SATB1: variants seen among roughly 807,000 people sequenced by gnomAD.
The protein encoded by SATB1 is SATB homeobox 1, also known as DNA-binding protein SATB1.
In SATB1, 11 loss-of-function variants were observed where a neutral mutation model predicts 86.9. That is an observed-to-expected ratio of 0.13 (90% CI 0.08 to 0.21). SATB1 has a LOEUF of 0.21. SATB1 is among the 10% of genes least tolerant of loss of function. SATB1 has a pLI of 1.00. For missense variants in SATB1, 551 were observed against 937.6 expected (o/e 0.59, Z 5.39); for synonymous variants, 357 against 357.2 (o/e 1.00, Z 0.01).
chr3:18,423,157 G>C (rs1009793522), intron 1 of SATB1, among the ~76,000 whole-genome samples: 1 of 152,148 alleles, frequency 6.6e-6, no homozygotes. Context: ...ACTAACTATG[G>C]TCTCAACAGA....
At chr3:18,428,221 G>A (rs1698773995), upstream of SATB1, among the ~76,000 whole-genome samples, 1 of 152,164 alleles carries the variant, frequency 6.6e-6, no homozygotes, top group Admixed American at 6.5e-5. Context: ...AGAGTCCTGT[G>A]GTGGCACTGG....
intron 5 of SATB1, among the ~76,000 whole-genome samples, chr3:18,402,496 A>G (rs1697322346): frequency 6.6e-6 from 1 of 152,116 alleles, no homozygotes. Context: ...CACTATACCA[A>G]AAGTTTTCCA....
intron 1 of SATB1, among the ~76,000 whole-genome samples, chr3:18,438,275 A>G (rs763337063): frequency 6.6e-6 from 1 of 152,206 alleles, no homozygotes; most frequent in African/African-American, 2.4e-5. Flanking sequence ...GCTTCCAGGA[A>G]AACTGCATCT....
At chr3:18,434,358 T>G (rs1405911401) in intron 2 of SATB1, among the ~76,000 whole-genome samples, 1 of 151,964 alleles carries the variant, frequency 6.6e-6, no homozygotes, top group African/African-American at 2.4e-5. Flanking sequence ...ATCCAATTGT[T>G]TGGCCAACAT....
At chr3:18,415,483 C>T (rs1248572140) in intron 4 of SATB1, among the ~76,000 whole-genome samples, 1 of 152,014 alleles carries the variant, frequency 6.6e-6, no homozygotes, top group Non-Finnish European at 1.5e-5. Context: ...TGCTCTGATG[C>T]GCTTGGGAAG....
chr3:18,368,327 G>T (rs1328958142), intron 9 of SATB1, among the ~76,000 whole-genome samples: 1 of 152,194 alleles, frequency 6.6e-6, no homozygotes, highest in Admixed American at 6.5e-5. Flanking sequence ...GATGGAAGAA[G>T]AGTTCTAACT....
At chr3:18,362,371 C>T (rs769061933) in intron 9 of SATB1, among the ~76,000 whole-genome samples, 15 of 151,964 alleles carry the variant, frequency 9.9e-5, no homozygotes, top group Admixed American at 2.0e-4. Context: ...TGTAAAAATG[C>T]GGCAAAGGAT....
intron 9 of SATB1, among the ~76,000 whole-genome samples, chr3:18,364,719 GTA>G (rs759656924): frequency 5.3e-5 from 8 of 151,054 alleles, no homozygotes; most frequent in African/African-American, 1.2e-4. Flanking sequence ...ATGTATGTAT[GTA>G]TATATATATA....
rs1451588778 is a variant in SATB1 at position 18,417,375 on chromosome 3, AAAT to A, written c.212-300_212-298del. 8.9e-6 allele frequency: 5 copies of A among 562,598 alleles called. No homozygotes were observed. The African/African-American group carries it at 9.6e-5, about 11-fold the overall frequency. 34.9% of individuals were successfully genotyped at this position (562,598 alleles called of 1,614,324 possible). A position where few individuals can be genotyped will look rare whatever the true frequency, so the allele number is the denominator to read the frequency against. ...TGAATGCAGAATTACCTTTCTGATC[AAAT>A]AATAATGGTGACGAAAGAGAAATAA... is the stretch of plus-strand genomic sequence containing the variant. On this transcript the variant is annotated intron_variant, in intron 2 of 10. Transcript: ENST00000338745.
At position 18,385,344 on chromosome 3, in the gene SATB1, C is replaced by T. The variant is rs377078684; in HGVS notation, c.1419+1055G>A. ...ACATGTAAGAAAACACATTTGCAGC[C>T]GGGCGCGGTGGCTCAGGCCTGTAAT... On this transcript the variant is annotated intron_variant, in intron 8 of 10. Coordinates refer to ENST00000338745, the MANE Select transcript of SATB1 (RefSeq NM_002971.6). Among the ~76,000 whole-genome samples, 18 of 152,156 alleles carry T rather than the reference C, an allele frequency of 1.2e-4. No homozygotes were observed. The East Asian group carries it at 1.7e-3, about 15-fold the overall frequency.
chr3:18,377,867 TCTA>T (rs1159865787), intron 9 of SATB1, among the ~76,000 whole-genome samples: 1 of 152,186 alleles, frequency 6.6e-6, no homozygotes, highest in African/African-American at 2.4e-5. Flanking sequence ...CATTATTTAT[TCTA>T]CTACAATAGA....
intron 5 of SATB1, among the ~76,000 whole-genome samples, chr3:18,402,091 G>C (rs1208393704): frequency 6.6e-6 from 1 of 152,058 alleles, no homozygotes; most frequent in Admixed American, 6.6e-5. Context: ...AATCGGTTAA[G>C]GTTACATAAT....
rs558491265 is a variant in SATB1, at chr3:18,385,132, GT to G, written c.1419+1266del. On this transcript the variant is annotated intron_variant, in intron 8 of 10. Transcript: ENST00000338745. ...ACTTTCACTCTTTAGTGTTGAATGA[GT>G]TTTTTCTAGATTTCTATACATGAAA... 1.1e-4 allele frequency among the ~76,000 whole-genome samples: 16 copies of G among 152,196 alleles called. No individual in the cohort carries two copies. The East Asian group carries it at 3.1e-3, about 29-fold the overall frequency.
At chr3:18,440,573 C>T (rs954027879), upstream of SATB1, among the ~76,000 whole-genome samples, 2 of 152,102 alleles carry the variant, frequency 1.3e-5, no homozygotes, top group South Asian at 2.1e-4. Context: ...TTTAATGCAG[C>T]GTAAATAAAC....
At chr3:18,435,449 T>A (rs926723223) in intron 2 of SATB1, among the ~76,000 whole-genome samples, 4 of 152,138 alleles carry the variant, frequency 2.6e-5, no homozygotes, top group Non-Finnish European at 5.9e-5. Context: ...CTTTTGTAAT[T>A]CTCCTGGCAT....
intron 5 of SATB1, among the ~76,000 whole-genome samples, chr3:18,399,332 C>T (rs1697129124): frequency 6.6e-6 from 1 of 152,114 alleles, no homozygotes; most frequent in Non-Finnish European, 1.5e-5. Context: ...AGGCACCTGT[C>T]ATCCAAAGAT....
At chr3:18,416,202 T>C (rs1049927821) in intron 3 of SATB1, 69 bp from the exon 4 acceptor site, 14 of 1,244,034 alleles carry the variant, frequency 1.1e-5, no homozygotes, top group Middle Eastern at 2.2e-4. Flanking sequence ...TAGAAGGGTG[T>C]TCTTTTCTTT....
In SATB1 at chr3:18,351,849, C is replaced by T. The variant is rs1301847155; in HGVS notation, c.1779+143G>A. On this transcript the variant is annotated intron_variant, in intron 10 of 10. Transcript: ENST00000338745. Reference sequence around the variant, plus strand: ...GTATGTTAATATTCATTTTATCCCCCTGAGCAAGATGGCAGTGTATTGTTA... The same window carrying T: ...GTATGTTAATATTCATTTTATCCCCTTGAGCAAGATGGCAGTGTATTGTTA... 5.5e-6 allele frequency: 4 copies of T among 726,736 alleles called. No homozygotes were observed. The African/African-American group carries it at 7.0e-5, about 13-fold the overall frequency. The allele number at this position is 726,736 out of a possible 1,614,324, so 45.0% of individuals were successfully genotyped here. A position where few individuals can be genotyped will look rare whatever the true frequency, so the allele number is the denominator to read the frequency against.
chr3:18,389,097 T>C (rs913163567), intron 7 of SATB1, among the ~76,000 whole-genome samples: 1 of 152,092 alleles, frequency 6.6e-6, no homozygotes, highest in Non-Finnish European at 1.5e-5. Flanking sequence ...CAAGTGTTTT[T>C]AGGGGCAAAG....
Sources: gnomAD v4.1 joint callset for allele counts (sites outside exome capture counted in the v4.1 genomes callset) on GRCh38, gnomAD v4.1.1 for gene constraint, MANE v1.5 for transcripts, NCBI Gene and HGNC (gene_info 2026-07-23, HGNC 2026-07-21) for gene names.